Variants in CNOT6 observed in about 807,000 individuals in gnomAD.
CNOT6 encodes carbon catabolite repression 4 protein.
In CNOT6, 12 loss-of-function variants were observed where a neutral mutation model predicts 61.2. That is an observed-to-expected ratio of 0.20 (90% CI 0.13 to 0.32). The LOEUF is 0.32. Among genes scored for constraint, CNOT6 ranks in the 10% least tolerant of loss-of-function variants. The pLI is 1.00. For synonymous variants in CNOT6, 225 were observed against 240.6 expected, an observed-to-expected ratio of 0.94 and a Z score of 0.60; for missense variants, 405 against 663.9, an observed-to-expected ratio of 0.61 and a Z score of 4.28.
chr5:180,569,450 A>G, intron 10 of CNOT6, 110 bp downstream of exon 10: 2 of 842,194 alleles, frequency 2.4e-6, no homozygotes, highest in Admixed American at 2.5e-5. Flanking sequence ...TCAGTTTGTA[A>G]TGGCAGCTAT....
intron 1 of CNOT6, among the ~76,000 whole-genome samples, chr5:180,507,996 G>A (rs1266131065): frequency 2.0e-5 from 3 of 152,124 alleles, no homozygotes; most frequent in African/African-American, 7.2e-5. Flanking sequence ...CTCCAGCACT[G>A]GGGATACAAT....
intron 2 of CNOT6, among the ~76,000 whole-genome samples, chr5:180,531,930 G>A (rs1024615836): frequency 1.3e-5 from 2 of 152,218 alleles, no homozygotes; most frequent in Non-Finnish European, 2.9e-5. Flanking sequence ...CCGAGATGGC[G>A]GCAGTACAGT....
intron 4 of CNOT6, 78 bp downstream of exon 4, chr5:180,553,549 A>G: frequency 9.4e-7 from 1 of 1,067,588 alleles, no homozygotes; most frequent in African/African-American, 1.6e-5. Context: ...GCTTTCTGCT[A>G]GGGGATTCTT....
rs200114896 is a variant in CNOT6, at chr5:180,565,814, C to G, written c.560-6C>G. The G allele has an allele frequency of 6.4e-7, 1 of 1,566,194 alleles. No homozygotes were observed. The highest frequency in any genetic ancestry group is 1.9e-5 in the Admixed American group (1 of 53,798). On this transcript the variant is annotated splice_region_variant and splice_polypyrimidine_tract_variant and intron_variant, in intron 6 of 11. Coordinates refer to ENST00000261951, the MANE Select transcript of CNOT6 (RefSeq NM_001370472.1). ...GTGTGAATAAGTAAAGTTATCTTTCCTACAGCCTTGTTTTCTGTCATGTGC... is the reference window on the plus strand; with the variant it reads ...GTGTGAATAAGTAAAGTTATCTTTCGTACAGCCTTGTTTTCTGTCATGTGC...
intron 2 of CNOT6, among the ~76,000 whole-genome samples, chr5:180,543,561 A>T (rs149597754): frequency 4.3e-4 from 65 of 152,328 alleles, no homozygotes; most frequent in Middle Eastern, 6.8e-3. Flanking sequence ...TTTCCCCAAC[A>T]ATATATGTCT....
chr5:180,568,921 G>A (rs1009654743), intron 9 of CNOT6, among the ~76,000 whole-genome samples, 189 bp from the exon 10 acceptor site: 2 of 152,182 alleles, frequency 1.3e-5, no homozygotes, highest in Non-Finnish European at 2.9e-5. Flanking sequence ...TGTGCTGGAA[G>A]CATCAGCCCA....
rs182981079 is a variant in CNOT6, at chr5:180,552,262, G to C, written c.300-1124G>C. 2.0e-5 allele frequency among the ~76,000 whole-genome samples: 3 copies of C among 152,226 alleles called. 1 individual carries two copies. The South Asian group carries it at 6.2e-4, about 32-fold the overall frequency. Reference sequence around the variant, plus strand: ...TTCTTGTTGAGTTTACAGCCACACAGACCTTCTGGCTTGCTCAGTAACCAA... The same window carrying C: ...TTCTTGTTGAGTTTACAGCCACACACACCTTCTGGCTTGCTCAGTAACCAA... On this transcript the variant is annotated intron_variant, in intron 3 of 11. Transcript: ENST00000261951.
At chr5:180,531,903 A>T (rs1477487935) in intron 2 of CNOT6, among the ~76,000 whole-genome samples, 1 of 152,228 alleles carries the variant, frequency 6.6e-6, no homozygotes, top group Admixed American at 6.5e-5. Flanking sequence ...AGAATCAGGC[A>T]GGGAGGTTGC....
intron 1 of CNOT6, among the ~76,000 whole-genome samples, chr5:180,520,559 T>TGAGGCAGG (rs1757834967): frequency 6.6e-6 from 1 of 151,914 alleles, no homozygotes; most frequent in African/African-American, 2.4e-5. Flanking sequence ...GGAGAATCGC[T>TGAGGCAGG]TGAACCAGGG....
At chr5:180,517,198 C>T (rs901667521) in intron 1 of CNOT6, among the ~76,000 whole-genome samples, 3 of 152,178 alleles carry the variant, frequency 2.0e-5, no homozygotes, top group Admixed American at 6.6e-5. Flanking sequence ...AGCGCAATGG[C>T]GTGATCACTG....
chr5:180,508,307 A>G (rs1450658678), intron 1 of CNOT6, among the ~76,000 whole-genome samples: 1 of 152,104 alleles, frequency 6.6e-6, no homozygotes, highest in East Asian at 1.9e-4. Context: ...GAAGACCAAG[A>G]TGATAATTTG....
At chr5:180,507,842 T>G (rs969487686) in intron 1 of CNOT6, among the ~76,000 whole-genome samples, 3 of 152,166 alleles carry the variant, frequency 2.0e-5, no homozygotes, top group Non-Finnish European at 4.4e-5. Context: ...GCAGGTAGTC[T>G]TCACGTGGCC....
At chr5:180,525,543 A>C (rs539553184) in intron 1 of CNOT6, among the ~76,000 whole-genome samples, 2,851 of 151,970 alleles carry the variant, frequency 0.019, 37 homozygotes, top group Non-Finnish European at 0.027. Flanking sequence ...TGTCTCAAAA[A>C]AAAAAAAAAA....
Position 180,494,446 on chromosome 5 carries a change from A to AGGCGGCGGCGTCGGT in CNOT6, c.-309_-295dup, listed in dbSNP as rs1316001584. ...GAAAACGAGGGGGGCGCGGAGGAGG[A>AGGCGGCGGCGTCGGT]GGCGGCGGCGTCGGTGGCGGCGGCG... On this transcript the variant is annotated 5_prime_UTR_variant, in exon 1 of 12. Coordinates refer to ENST00000261951, the MANE Select transcript of CNOT6 (RefSeq NM_001370472.1). The AGGCGGCGGCGTCGGT allele has an allele frequency of 7.1e-5, 11 of 155,096 alleles. No individual in the cohort carries two copies. Among genetic ancestry groups the AGGCGGCGGCGTCGGT allele is most frequent in the African/African-American group, 1.9e-4 (8 of 41,160 alleles). The allele number at this position is 155,096 out of a possible 1,614,324, so 9.6% of individuals were successfully genotyped here.
At chr5:180,518,190 C>T (rs568167847) in intron 1 of CNOT6, among the ~76,000 whole-genome samples, 1 of 152,116 alleles carries the variant, frequency 6.6e-6, no homozygotes, top group Non-Finnish European at 1.5e-5. Flanking sequence ...TCTTACTGCT[C>T]AAATGGTCAT....
chr5:180,537,419 T>C (rs1156572566), intron 2 of CNOT6, among the ~76,000 whole-genome samples: 4 of 152,328 alleles, frequency 2.6e-5, no homozygotes, highest in Admixed American at 2.6e-4. Context: ...GCCATGGGTA[T>C]ATCTGCTTTG....
chr5:180,514,070 C>G (rs541008590), intron 1 of CNOT6, among the ~76,000 whole-genome samples: 28 of 152,016 alleles, frequency 1.8e-4, no homozygotes, highest in African/African-American at 6.3e-4. Flanking sequence ...TCAAATGGTC[C>G]TCCTGCCTCG....
chr5:180,551,067 C>T (rs1016818352), intron 3 of CNOT6, among the ~76,000 whole-genome samples: 2 of 151,774 alleles, frequency 1.3e-5, no homozygotes, highest in Admixed American at 1.3e-4. Flanking sequence ...TTGCAGACTG[C>T]ATGTGGTGGT....
chr5:180,539,317 C>T (rs1004009707), intron 2 of CNOT6, among the ~76,000 whole-genome samples: 14 of 151,538 alleles, frequency 9.2e-5, no homozygotes, highest in African/African-American at 3.1e-4. Flanking sequence ...GCATTTCCTC[C>T]TCCTTAAATT....
Sources: allele counts gnomAD v4.1 joint callset (sites outside exome capture counted in the v4.1 genomes callset), GRCh38; gene constraint gnomAD v4.1.1; transcripts MANE v1.5; gene names NCBI Gene and HGNC (gene_info 2026-07-23, HGNC 2026-07-21).